Variants in GPM6A observed in about 807,000 individuals in gnomAD.
GPM6A encodes glycoprotein M6A, also known as neuronal membrane glycoprotein M6-a.
GPM6A carries 7 observed loss-of-function variants against 32.1 expected under a neutral mutation model. The observed-to-expected ratio is 0.22, with a 90% confidence interval of 0.12 to 0.41. GPM6A has a LOEUF of 0.41. Among genes scored for constraint, GPM6A ranks in the 10% least tolerant of loss-of-function variants. GPM6A has a pLI of 1.00. For synonymous variants in GPM6A, 130 were observed against 123.4 expected (o/e 1.05, Z -0.35); for missense variants, 235 against 347.2 (o/e 0.68, Z 2.57).
chr4:175,812,100 C>A, intron 1 of GPM6A, 91 bp downstream of exon 1: 2 of 939,504 alleles, frequency 2.1e-6, no homozygotes, highest in South Asian at 1.6e-5. Flanking sequence ...AAGAGAGAAA[C>A]ATTCATTAGC....
At chr4:175,820,535 C>T (rs1367769799) in intron 1 of GPM6A, among the ~76,000 whole-genome samples, 3 of 114,168 alleles carry the variant, frequency 2.6e-5, no homozygotes, top group African/African-American at 6.8e-5. Context: ...GAGTCTTGCT[C>T]TGTTGCCCAG....
At chr4:176,001,431 C>T (rs1039485058) in intron 1 of GPM6A, among the ~76,000 whole-genome samples, 5 of 152,182 alleles carry the variant, frequency 3.3e-5, no homozygotes, top group African/African-American at 1.2e-4. Flanking sequence ...CCCAGCTTCT[C>T]CCTCGCTCTT....
chr4:175,985,626 T>C (rs1333872861), intron 1 of GPM6A, among the ~76,000 whole-genome samples: 1 of 152,190 alleles, frequency 6.6e-6, no homozygotes, highest in African/African-American at 2.4e-5. Flanking sequence ...GAGTGTCCTT[T>C]TCCTGTACTT....
intron 1 of GPM6A, among the ~76,000 whole-genome samples, chr4:175,988,265 TG>T: frequency 6.6e-6 from 1 of 152,294 alleles, no homozygotes; most frequent in East Asian, 1.9e-4. Flanking sequence ...CCCAACAACT[TG>T]GCAATTAATC....
At chr4:175,842,684 A>T (rs1166532684) in intron 1 of GPM6A, among the ~76,000 whole-genome samples, 1 of 152,140 alleles carries the variant, frequency 6.6e-6, no homozygotes, top group East Asian at 1.9e-4. Context: ...TGAGTGATTG[A>T]GTGAGATCCT....
chr4:175,758,766 A>T (rs953437399), intron 1 of GPM6A, among the ~76,000 whole-genome samples: 1 of 152,064 alleles, frequency 6.6e-6, no homozygotes, highest in East Asian at 1.9e-4. Context: ...TCCTCTACTG[A>T]GGCACAGCAG....
chr4:175,900,848 A>G (rs1018486963), intron 1 of GPM6A, among the ~76,000 whole-genome samples: 3 of 152,226 alleles, frequency 2.0e-5, no homozygotes, highest in Admixed American at 2.0e-4. Flanking sequence ...ACTGTTTACA[A>G]TAGCTAAGAT....
chr4:175,971,881 T>A (rs1309676403), intron 1 of GPM6A: 3 of 152,204 alleles, frequency 2.0e-5, no homozygotes, highest in Non-Finnish European at 4.4e-5. Flanking sequence ...TCACACCTTG[T>A]GAAAGTCAGT....
At chr4:175,767,688 G>A (rs1246591512) in intron 1 of GPM6A, among the ~76,000 whole-genome samples, 1 of 152,196 alleles carries the variant, frequency 6.6e-6, no homozygotes, top group Non-Finnish European at 1.5e-5. Context: ...CATTTTAGGA[G>A]TTTTATAAAC....
At chr4:175,764,660 T>A (rs1487995586) in intron 1 of GPM6A, among the ~76,000 whole-genome samples, 1 of 152,106 alleles carries the variant, frequency 6.6e-6, no homozygotes, top group Non-Finnish European at 1.5e-5. Flanking sequence ...TGAAACTCAC[T>A]GTTTCAAAAA....
chr4:175,750,384 G>T (rs1438435530), intron 1 of GPM6A, among the ~76,000 whole-genome samples: 1 of 152,086 alleles, frequency 6.6e-6, no homozygotes, highest in African/African-American at 2.4e-5. Context: ...CTAAACCAAA[G>T]CATGGACCTT....
In GPM6A at chr4:175,727,987, G is replaced by C. The variant is rs1011221384; in HGVS notation, c.38-26220C>G. Among the ~76,000 whole-genome samples, 27 of 133,840 alleles carry C rather than the reference G, an allele frequency of 2.0e-4. No homozygotes were observed. In the South Asian group the frequency reaches 6.4e-3, roughly 31 times the overall value. The allele number at this position is 133,840 out of a possible 152,430, so 87.8% of individuals were successfully genotyped here. A position where few individuals can be genotyped will look rare whatever the true frequency, so the allele number is the denominator to read the frequency against. ...CCACTGCACTTCAGCCTGGGTGACA[G>C]AGCGAGACTCCGTTTCAAAAAAAAA... On this transcript the variant is annotated intron_variant, in intron 1 of 6. Transcript: ENST00000393658.
intron 1 of GPM6A, among the ~76,000 whole-genome samples, chr4:175,713,212 T>C (rs1201968765): frequency 1.3e-5 from 2 of 152,180 alleles, no homozygotes; most frequent in Non-Finnish European, 2.9e-5. Context: ...TTTATTTTTA[T>C]TTTTATTTAA....
intron 1 of GPM6A, among the ~76,000 whole-genome samples, chr4:175,740,909 C>G (rs781470471): frequency 1.3e-5 from 2 of 152,010 alleles, no homozygotes; most frequent in Non-Finnish European, 2.9e-5. Context: ...TTGGGTAGAT[C>G]AGTGCATAAA....
chr4:175,804,764 G>T (rs1289630410), intron 1 of GPM6A, among the ~76,000 whole-genome samples: 3 of 152,026 alleles, frequency 2.0e-5, no homozygotes, highest in Non-Finnish European at 4.4e-5. Flanking sequence ...AATGAAAGTG[G>T]GCCGGGCTCG....
At chr4:175,640,337 G>T in intron 5 of GPM6A, 143 bp from the exon 6 acceptor site, 1 of 658,000 alleles carries the variant, frequency 1.5e-6, no homozygotes, top group Non-Finnish European at 2.7e-6. Context: ...GATTAAAACA[G>T]ATTATTACAA....
chr4:175,674,992 A>G (rs868810815), intron 2 of GPM6A, among the ~76,000 whole-genome samples: 18 of 149,194 alleles, frequency 1.2e-4, no homozygotes, highest in African/African-American at 4.6e-4. Context: ...ATACATAATA[A>G]CAGATGGATA....
At chr4:175,673,572 G>A (rs1358055007) in intron 3 of GPM6A, 108 bp downstream of exon 3, 8 of 681,254 alleles carry the variant, frequency 1.2e-5, no homozygotes, top group East Asian at 8.0e-5. Flanking sequence ...AGAAGGAAAC[G>A]TTACTGTGTG....
intron 1 of GPM6A, among the ~76,000 whole-genome samples, chr4:175,937,880 C>G (rs1739289387): frequency 6.6e-6 from 1 of 151,780 alleles, no homozygotes; most frequent in Admixed American, 6.6e-5. Context: ...CAAAAAGCAC[C>G]TAAATTACAA....
Sources: allele counts gnomAD v4.1 joint callset (sites outside exome capture counted in the v4.1 genomes callset), GRCh38; gene constraint gnomAD v4.1.1; transcripts MANE v1.5; gene names NCBI Gene and HGNC (gene_info 2026-07-23, HGNC 2026-07-21).